PSMC6: variants seen among roughly 807,000 people sequenced by gnomAD.
PSMC6 encodes the protein 26S proteasome regulatory subunit 10B.
A neutral mutation model predicts 55.9 loss-of-function variants in PSMC6; 3 were observed. That is an observed-to-expected ratio of 0.05 (90% CI 0.02 to 0.14). PSMC6 has a LOEUF of 0.14. Among genes scored for constraint, PSMC6 ranks in the 10% least tolerant of loss-of-function variants. The pLI is 1.00. For synonymous variants in PSMC6, 137 were observed against 155.9 expected (o/e 0.88, Z 0.90); for missense variants, 210 against 478.7 (o/e 0.44, Z 5.24).
Position 52,708,407 on chromosome 14 carries a change from G to A in PSMC6, c.165+19G>A, listed in dbSNP as rs1049815981. Reference sequence around the variant, plus strand: ...TGGGCAGGTAGGTGATGGAGTTTGGGGAATAGGGGGTGATGGTAATTTGCT... The same window carrying A: ...TGGGCAGGTAGGTGATGGAGTTTGGAGAATAGGGGGTGATGGTAATTTGCT... On this transcript the variant is annotated intron_variant, in intron 2 of 13. Coordinates refer to ENST00000445930, the MANE Select transcript of PSMC6 (RefSeq NM_002806.5). The A allele has an allele frequency of 3.1e-6, 5 of 1,612,246 alleles. No individual in the cohort carries two copies. Among genetic ancestry groups the A allele is most frequent in the Non-Finnish European group, 4.2e-6 (5 of 1,178,394 alleles).
Position 52,727,787 on chromosome 14 carries a change from T to G in PSMC6, c.*170T>G, listed in dbSNP as rs2139862814. On this transcript the variant is annotated 3_prime_UTR_variant, in exon 14 of 14. Transcript: ENST00000445930. ...CAACTTTTAAGATACAGAAGAAATT[T>G]GTATGTTTGTTAAAGTTGCATTTAT... The G allele has an allele frequency of 2.1e-6, 1 of 481,034 alleles. No individual in the cohort carries two copies. The highest frequency in any genetic ancestry group is 3.4e-5 in the East Asian group (1 of 29,416). The allele number at this position is 481,034 out of a possible 1,614,324, so 29.8% of individuals were successfully genotyped here. A position where few individuals can be genotyped will look rare whatever the true frequency, so the allele number is the denominator to read the frequency against.
Position 52,727,549 on chromosome 14 carries a change from A to G in PSMC6, c.1102A>G (p.Met368Val). 3 of 1,611,936 alleles carry G rather than the reference A, an allele frequency of 1.9e-6. No individual in the cohort carries two copies. Among genetic ancestry groups the G allele is most frequent in the Non-Finnish European group, 2.5e-6 (3 of 1,179,758 alleles). ...DHDFVVQEDF[M>V]KAVRKVADSK... The stretch of plus-strand genomic sequence containing the variant: ...TGATTTTGTAGTACAGGAAGACTTC[A>G]TGAAAGCAGTCAGAAAAGTGGCTGA... The change falls in exon 14 of 14, where the codon ATG (methionine) becomes GTG (valine). Residue 368 changes from methionine to valine, a missense_variant. This residue lies in a region of PSMC6 where 79 missense variants were observed against 158.7 expected (regional missense o/e 0.50). Transcript: ENST00000445930.
intron 7 of PSMC6, among the ~76,000 whole-genome samples, chr14:52,716,529 G>A (rs886297147): frequency 6.6e-6 from 1 of 152,142 alleles, no homozygotes; most frequent in African/African-American, 2.4e-5. Context: ...CGAGGCGGGC[G>A]GATCACCTGA....
At chr14:52,710,558 A>C (rs577798891) in intron 4 of PSMC6, 18 of 157,504 alleles carry the variant, frequency 1.1e-4, no homozygotes, top group Non-Finnish European at 1.9e-4. Flanking sequence ...CCTAATGTGT[A>C]ATGTGTTCAG....
At position 52,708,488 on chromosome 14, in the gene PSMC6, G is replaced by C; in HGVS notation, c.171G>C (p.Val57=). 6 of 1,613,920 alleles carry C rather than the reference G, an allele frequency of 3.7e-6. No individual in the cohort carries two copies. Among genetic ancestry groups the C allele is most frequent in the Non-Finnish European group, 5.1e-6 (6 of 1,179,924 alleles). ...CTTTTTATTTTCTTCCTTAGATCGTGGGTGAAGTGCTTAAACAGTTAACTG... is the reference window on the plus strand; with the variant it reads ...CTTTTTATTTTCTTCCTTAGATCGTCGGTGAAGTGCTTAAACAGTTAACTG... ...LKALQSVGQI[V]GEVLKQLTEE... is the part of the protein sequence containing the mutation. The change falls in exon 3 of 14, where the codon GTG becomes GTC. Residue 57 remains valine, a synonymous_variant. Transcript: ENST00000445930.
chr14:52,724,333 G>T (rs2139858389), intron 13 of PSMC6, among the ~76,000 whole-genome samples: 1 of 152,288 alleles, frequency 6.6e-6, no homozygotes, highest in South Asian at 2.1e-4. Context: ...CTAGAACATT[G>T]ATTTACCAGT....
chr14:52,707,325 A>G, intron 1 of PSMC6, 21 bp downstream of exon 1: 1 of 1,613,414 alleles, frequency 6.2e-7, no homozygotes, highest in Non-Finnish European at 8.5e-7. Context: ...CTTTCTTTCC[A>G]TTTAATCAAG....
Position 52,708,879 on chromosome 14 carries a change from C to T in PSMC6, c.258+63C>T, listed in dbSNP as rs1273666495. On this transcript the variant is annotated intron_variant, in intron 4 of 13. Transcript: ENST00000445930. ...AAAGCAGTTTCATGTAAGTTATTGT[C>T]TCTAATTCTTGAGGCAAGCAGGTGG... 5 of 1,595,622 alleles carry T rather than the reference C, an allele frequency of 3.1e-6. No individual in the cohort carries two copies. In the East Asian group the frequency reaches 1.1e-4, roughly 36 times the overall value.
At chr14:52,707,910 A>G (rs1441891928) in intron 1 of PSMC6, among the ~76,000 whole-genome samples, 5 of 152,172 alleles carry the variant, frequency 3.3e-5, no homozygotes, top group Non-Finnish European at 7.4e-5. Context: ...TCTGTGGAGA[A>G]CTGCATTTGT....
At chr14:52,715,272 T>C (rs1289552271) in intron 7 of PSMC6, among the ~76,000 whole-genome samples, 2 of 152,274 alleles carry the variant, frequency 1.3e-5, no homozygotes, top group African/African-American at 2.4e-5. Context: ...CTGCTGCATA[T>C]TGAATAAGAT....
intron 13 of PSMC6, among the ~76,000 whole-genome samples, chr14:52,726,634 CTGATT>C (rs1221968390): frequency 6.6e-6 from 1 of 151,930 alleles, no homozygotes; most frequent in Non-Finnish European, 1.5e-5. Flanking sequence ...CCATTTAAGC[CTGATT>C]TTATTTTATT....
chr14:52,718,026 A>C, intron 7 of PSMC6, 55 bp from the exon 8 acceptor site: 1 of 1,565,724 alleles, frequency 6.4e-7, no homozygotes, highest in South Asian at 1.1e-5. Flanking sequence ...GCCTGTCTCA[A>C]AACAAATTTT....
intron 4 of PSMC6, chr14:52,710,677 C>G (rs1434696016): frequency 5.2e-6 from 1 of 192,944 alleles, no homozygotes; most frequent in African/African-American, 2.4e-5. Context: ...GCATTTTTCT[C>G]TACTCTCATG....
At chr14:52,708,416 G>C in intron 2 of PSMC6, 28 bp downstream of exon 2, 7 of 1,611,812 alleles carry the variant, frequency 4.3e-6, no homozygotes, top group Non-Finnish European at 5.9e-6. Flanking sequence ...GGGAATAGGG[G>C]GTGATGGTAA....
chr14:52,713,666 A>G lies in PSMC6; in HGVS notation c.442-215A>G, dbSNP rs367825246. ...CCCCAATCAAGTGTGTGGTTTATTT[A>G]AAAAACATTATTTGAAATTTTTTAG... On this transcript the variant is annotated intron_variant, in intron 6 of 13. Coordinates refer to ENST00000445930, the MANE Select transcript of PSMC6 (RefSeq NM_002806.5). Among the ~76,000 whole-genome samples, 24 of 152,302 alleles carry G rather than the reference A, an allele frequency of 1.6e-4. 1 individual carries two copies. The South Asian group carries it at 2.3e-3, about 14-fold the overall frequency.
In PSMC6 at chr14:52,708,769, G is replaced by T. The variant is rs1316992233; in HGVS notation, c.211G>T (p.Val71Phe). 1 of 1,613,168 alleles carries T rather than the reference G, an allele frequency of 6.2e-7. No individual in the cohort carries two copies. Among genetic ancestry groups the T allele is most frequent in the Admixed American group, 1.7e-5 (1 of 59,850 alleles). Residue 71 changes from valine to phenylalanine, a missense_variant, in exon 4 of 14, where the codon GTT (valine) becomes TTT (phenylalanine). Around this residue, in one of 4 missense-constraint regions of PSMC6, gnomAD observed 101 missense variants for 250.4 expected, o/e 0.40. Coordinates refer to ENST00000445930, the MANE Select transcript of PSMC6 (RefSeq NM_002806.5). ...TTTTATGTTTTTTCTTCTAGTCATT[G>T]TTAAAGCTACCAATGGACCAAGATA... Reference protein sequence around the residue: ...LKQLTEEKFIVKATNGPRYVV... With the variant: ...LKQLTEEKFIFKATNGPRYVV...
chr14:52,711,688 G>C (rs1249016275), intron 6 of PSMC6, among the ~76,000 whole-genome samples, 164 bp downstream of exon 6: 1 of 152,172 alleles, frequency 6.6e-6, no homozygotes, highest in Non-Finnish European at 1.5e-5. Flanking sequence ...TGAATTTCTA[G>C]CTGTGAAAAT....
At chr14:52,713,678 T>G (rs1393257063) in intron 6 of PSMC6, among the ~76,000 whole-genome samples, 1 of 152,190 alleles carries the variant, frequency 6.6e-6, no homozygotes, top group Non-Finnish European at 1.5e-5. Context: ...AAAACATTAT[T>G]TGAAATTTTT....
chr14:52,710,918 G>C, intron 4 of PSMC6, 183 bp from the exon 5 acceptor site: 2 of 627,292 alleles, frequency 3.2e-6, no homozygotes, highest in Non-Finnish European at 5.7e-6. Flanking sequence ...TTAAGGAGCA[G>C]GTGGAAATCA....
Sources: allele counts gnomAD v4.1 joint callset (sites outside exome capture counted in the v4.1 genomes callset), GRCh38; gene constraint gnomAD v4.1.1; regional missense constraint gnomAD v4.1.1; transcripts MANE v1.5; gene names NCBI Gene and HGNC (gene_info 2026-07-23, HGNC 2026-07-21).